Variants in CSNK1G1 observed in about 807,000 individuals in gnomAD.
CSNK1G1 encodes the protein casein kinase I isoform gamma-1.
A neutral mutation model predicts 59.6 loss-of-function variants in CSNK1G1; 22 were observed. That is an observed-to-expected ratio of 0.37 (90% CI 0.26 to 0.53). The LOEUF is 0.53. CSNK1G1 is among the 20% of genes least tolerant of loss of function. CSNK1G1 has a pLI of 0.89. For synonymous variants in CSNK1G1, 179 were observed against 177.1 expected, an observed-to-expected ratio of 1.01 and a Z score of -0.08; for missense variants, 384 against 519.5, an observed-to-expected ratio of 0.74 and a Z score of 2.54.
chr15:64,205,626 C>A (rs1349392260), intron 7 of CSNK1G1, among the ~76,000 whole-genome samples: 1 of 152,188 alleles, frequency 6.6e-6, no homozygotes, highest in Non-Finnish European at 1.5e-5. Context: ...TGCACTCAGA[C>A]TTAAGCAATA....
chr15:64,182,375 C>T (rs1227612519), intron 10 of CSNK1G1, among the ~76,000 whole-genome samples: 1 of 152,064 alleles, frequency 6.6e-6, no homozygotes, highest in Non-Finnish European at 1.5e-5. Context: ...GCCCGGCCTC[C>T]AGCTGAATCT....
rs897342237 is a variant in CSNK1G1 at position 64,214,651 on chromosome 15, A to G, written c.445-527T>C. ...TAGCTAATTAGCAGCAGAGACAGGG[A>G]AACAGTTCATTATTATTATTATTAT... On this transcript the variant is annotated intron_variant, in intron 5 of 11. Transcript: ENST00000303052. The surrounding 1 kb of genome is among the most constrained non-coding windows in gnomAD (Gnocchi z 4.3). Among the ~76,000 whole-genome samples, 1 of 152,104 alleles carries G rather than the reference A, an allele frequency of 6.6e-6. No individual in the cohort carries two copies. Among genetic ancestry groups the G allele is most frequent in the Admixed American group, 6.6e-5 (1 of 15,252 alleles).
chr15:64,295,981 G>A (rs1213192368), intron 2 of CSNK1G1, among the ~76,000 whole-genome samples: 4 of 152,150 alleles, frequency 2.6e-5, no homozygotes, highest in Non-Finnish European at 5.9e-5. Flanking sequence ...CTGGGCACTT[G>A]CACAGTATCT....
chr15:64,249,456 A>G (rs987416525), intron 4 of CSNK1G1, among the ~76,000 whole-genome samples: 1 of 152,170 alleles, frequency 6.6e-6, no homozygotes, highest in African/African-American at 2.4e-5. Flanking sequence ...AAGAAGCAGA[A>G]AAGAGGCCAG....
intron 4 of CSNK1G1, among the ~76,000 whole-genome samples, chr15:64,222,436 CCAAAAA>C (rs2082401743): frequency 1.4e-4 from 16 of 114,658 alleles, no homozygotes; most frequent in Admixed American, 4.6e-4. Flanking sequence ...AACAACACCA[CCAAAAA>C]AAAAAAAAAA....
intron 4 of CSNK1G1, among the ~76,000 whole-genome samples, chr15:64,219,834 C>A (rs2082363142): frequency 6.9e-6 from 1 of 145,496 alleles, no homozygotes. Context: ...AGTGCAGTGG[C>A]ACGATCTCAG....
At chr15:64,272,154 T>TG (rs1337989939) in intron 2 of CSNK1G1, among the ~76,000 whole-genome samples, 1 of 152,120 alleles carries the variant, frequency 6.6e-6, no homozygotes, top group Non-Finnish European at 1.5e-5. Context: ...TTACATGACA[T>TG]GGGTCTCTTG....
At chr15:64,303,260 A>C (rs1895463725) in intron 1 of CSNK1G1, among the ~76,000 whole-genome samples, 1 of 146,968 alleles carries the variant, frequency 6.8e-6, no homozygotes, top group Non-Finnish European at 1.5e-5. Flanking sequence ...AAACAAAAAA[A>C]AAATTAAAAA....
chr15:64,304,525 G>A (rs1386665974), intron 1 of CSNK1G1, among the ~76,000 whole-genome samples: 1 of 151,716 alleles, frequency 6.6e-6, no homozygotes, highest in Admixed American at 6.6e-5. Context: ...AATTACAACT[G>A]CTCAATTATA....
chr15:64,237,862 C>T (rs988796635), intron 4 of CSNK1G1, among the ~76,000 whole-genome samples: 49 of 152,134 alleles, frequency 3.2e-4, no homozygotes, highest in Non-Finnish European at 1.3e-4. Context: ...CAAGCGACTT[C>T]GAAATTGCAA....
intron 10 of CSNK1G1, among the ~76,000 whole-genome samples, chr15:64,194,517 C>CTTTTCT (rs2082014751): frequency 2.3e-5 from 3 of 128,328 alleles, no homozygotes; most frequent in African/African-American, 9.0e-5. Flanking sequence ...CTTTTCTTTT[C>CTTTTCT]TTTTTTTTTT....
At chr15:64,258,007 A>G (rs1440506383) in intron 3 of CSNK1G1, among the ~76,000 whole-genome samples, 1 of 152,196 alleles carries the variant, frequency 6.6e-6, no homozygotes, top group Non-Finnish European at 1.5e-5. Context: ...TTGTAGGGAA[A>G]CAAATCTGGT....
intron 4 of CSNK1G1, among the ~76,000 whole-genome samples, chr15:64,225,093 C>T (rs1025683761): frequency 6.7e-6 from 1 of 149,494 alleles, no homozygotes; most frequent in South Asian, 2.1e-4. Context: ...ACTGCAACCT[C>T]TACCTCCTGG....
intron 4 of CSNK1G1, among the ~76,000 whole-genome samples, chr15:64,237,682 G>C (rs915383405): frequency 6.6e-6 from 1 of 152,100 alleles, no homozygotes; most frequent in African/African-American, 2.4e-5. Flanking sequence ...CATTATAAAA[G>C]GGTCTTATCA....
intron 1 of CSNK1G1, among the ~76,000 whole-genome samples, chr15:64,316,551 AAAAAAG>A (rs1896276147): frequency 6.6e-6 from 1 of 151,256 alleles, no homozygotes; most frequent in Non-Finnish European, 1.5e-5. Flanking sequence ...AAAAAAAAAA[AAAAAAG>A]AAAAGAAAAA....
intron 1 of CSNK1G1, among the ~76,000 whole-genome samples, chr15:64,333,293 A>T (rs929361397): frequency 6.7e-6 from 1 of 148,678 alleles, no homozygotes; most frequent in African/African-American, 2.5e-5. Flanking sequence ...GGAATGCTAA[A>T]AGGAGGTCTA....
At chr15:64,240,563 T>G (rs1394287990) in intron 4 of CSNK1G1, among the ~76,000 whole-genome samples, 1 of 150,882 alleles carries the variant, frequency 6.6e-6, no homozygotes, top group African/African-American at 2.4e-5. Flanking sequence ...TCAAGAAAAT[T>G]ATAAGGGAGT....
chr15:64,220,713 A>ATTTT (rs924742772), intron 4 of CSNK1G1, among the ~76,000 whole-genome samples: 2 of 149,106 alleles, frequency 1.3e-5, no homozygotes, highest in African/African-American at 4.9e-5. Context: ...ACTATGGCTA[A>ATTTT]TTTTTTTTTT....
chr15:64,325,824 A>T (rs1896808235), intron 1 of CSNK1G1, among the ~76,000 whole-genome samples: 1 of 152,232 alleles, frequency 6.6e-6, no homozygotes, highest in Admixed American at 6.5e-5. Flanking sequence ...AATTGGCCTA[A>T]TACTACACAG....
Sources: allele counts gnomAD v4.1 joint callset (sites outside exome capture counted in the v4.1 genomes callset), GRCh38; gene constraint gnomAD v4.1.1; non-coding constraint Gnocchi (gnomAD v3.1); transcripts MANE v1.5; gene names NCBI Gene and HGNC (gene_info 2026-07-23, HGNC 2026-07-21).